Variants in LRTM1 observed in about 807,000 individuals in gnomAD.
LRTM1 encodes leucine-rich repeat and transmembrane domain-containing protein 1.
A neutral mutation model predicts 32.4 loss-of-function variants in LRTM1; 38 were observed. The observed-to-expected ratio is 1.17, with a 90% CI of 0.91 to 1.54. LRTM1 has a LOEUF of 1.54. Among genes scored for constraint, LRTM1 ranks in the 40% most tolerant of loss-of-function variants. LRTM1 has a pLI of 0.00. For missense variants in LRTM1, 466 were observed against 415.4 expected, an observed-to-expected ratio of 1.12 and a Z score of -1.06; for synonymous variants, 186 against 169.9, an observed-to-expected ratio of 1.09 and a Z score of -0.74.
At chr3:54,929,854 T>G (rs1367497077), upstream of LRTM1, among the ~76,000 whole-genome samples, 1 of 152,160 alleles carries the variant, frequency 6.6e-6, no homozygotes, top group Non-Finnish European at 1.5e-5. Context: ...TGGCCCCCAT[T>G]AGCATTCAAT....
intron 1 of LRTM1, among the ~76,000 whole-genome samples, chr3:54,950,141 A>C (rs942715031): frequency 2.0e-5 from 3 of 152,238 alleles, no homozygotes; most frequent in Non-Finnish European, 4.4e-5. Flanking sequence ...GTCATAAGTG[A>C]AAAGTAGGGA....
At chr3:54,930,196 C>T (rs1268962482), upstream of LRTM1, among the ~76,000 whole-genome samples, 1 of 152,132 alleles carries the variant, frequency 6.6e-6, no homozygotes, top group Non-Finnish European at 1.5e-5. Context: ...CTGGTTATCC[C>T]ATCCTCTGGC....
intron 1 of LRTM1, among the ~76,000 whole-genome samples, chr3:54,958,986 A>G (rs1575407588): frequency 6.6e-6 from 1 of 152,134 alleles, no homozygotes. Context: ...CTGTAGTCCT[A>G]GCTACTCGGG....
intron 1 of LRTM1, among the ~76,000 whole-genome samples, chr3:54,942,661 G>A (rs1240610587): frequency 1.3e-5 from 2 of 152,184 alleles, no homozygotes; most frequent in Non-Finnish European, 2.9e-5. Context: ...GACTGAGCCA[G>A]AAGGATCATT....
At chr3:54,956,000 A>T (rs990522090) in intron 1 of LRTM1, among the ~76,000 whole-genome samples, 4 of 152,188 alleles carry the variant, frequency 2.6e-5, no homozygotes, top group African/African-American at 9.7e-5. Flanking sequence ...GATTCCAGGA[A>T]ATGAGAGGGA....
Position 54,925,103 on chromosome 3 carries a change from A to C in LRTM1, c.120T>G (p.Gly40=). 1 of 1,614,040 alleles carries C rather than the reference A, an allele frequency of 6.2e-7. No homozygotes were observed. Among genetic ancestry groups the C allele is most frequent in the Non-Finnish European group, 8.5e-7 (1 of 1,179,990 alleles). Residue 40 remains glycine, a synonymous_variant, in exon 2 of 3, where the codon GGT becomes GGG. Coordinates refer to ENST00000273286, the MANE Select transcript of LRTM1 (RefSeq NM_020678.4). ...STNFVDCSQQ[G]LAEIPSHLPP... ...GTAAATGGGAAGGGATTTCGGCCAG[A>C]CCCTGCTGGCTGCAGTCTACAAAAT...
At position 54,946,046 on chromosome 3, in the gene LRTM1, C is replaced by T. The variant is rs553386598; in HGVS notation, c.-221-20831G>A. 1.8e-3 allele frequency among the ~76,000 whole-genome samples: 273 copies of T among 152,322 alleles called. 1 individual carries two copies. Among genetic ancestry groups the T allele is most frequent in the African/African-American group, 6.3e-3 (260 of 41,582 alleles). On this transcript the variant is annotated intron_variant, in intron 1 of 2. Transcript: ENST00000493075. Reference sequence around the variant, plus strand: ...GTACCCTGCCTCATTATCACATTTCCTTGGTTCTAAGATGCCATAAATAGA... The same window carrying T: ...GTACCCTGCCTCATTATCACATTTCTTTGGTTCTAAGATGCCATAAATAGA...
At chr3:54,930,189 G>A (rs1479852972), upstream of LRTM1, among the ~76,000 whole-genome samples, 1 of 152,092 alleles carries the variant, frequency 6.6e-6, no homozygotes, top group Non-Finnish European at 1.5e-5. Flanking sequence ...GCAAACTCTG[G>A]TTATCCCATC....
At chr3:54,925,407 C>A (rs1700986554) in intron 1 of LRTM1, among the ~76,000 whole-genome samples, 192 bp from the exon 2 acceptor site, 1 of 152,184 alleles carries the variant, frequency 6.6e-6, no homozygotes, top group Non-Finnish European at 1.5e-5. Context: ...AGTGTCATTA[C>A]CTTCTGCAGT....
At position 54,927,944 on chromosome 3, in the gene LRTM1, CG is replaced by C. The variant is rs1701073612; in HGVS notation, c.-34del. Reference sequence around the variant, plus strand: ...TCTCCTTGGGCGTCCTTGCTGACCTCGTAGACCCTTTAATTAATGTGCAGAG... The same window carrying C: ...TCTCCTTGGGCGTCCTTGCTGACCTCTAGACCCTTTAATTAATGTGCAGAG... On this transcript the variant is annotated 5_prime_UTR_variant, in exon 1 of 3. Coordinates refer to ENST00000273286, the MANE Select transcript of LRTM1 (RefSeq NM_020678.4). The C allele has an allele frequency of 4.3e-6, 7 of 1,611,706 alleles. No individual in the cohort carries two copies. The highest frequency in any genetic ancestry group is 5.1e-6 in the Non-Finnish European group (6 of 1,177,946).
At chr3:54,955,726 C>T (rs765568203) in intron 1 of LRTM1, among the ~76,000 whole-genome samples, 2 of 152,080 alleles carry the variant, frequency 1.3e-5, no homozygotes, top group Admixed American at 1.3e-4. Flanking sequence ...CTCTGTCTAC[C>T]GAGGGGGCTT....
chr3:54,934,022 C>T (rs187123523), intron 1 of LRTM1, among the ~76,000 whole-genome samples: 11 of 152,246 alleles, frequency 7.2e-5, no homozygotes, highest in African/African-American at 2.4e-4. Context: ...CCACCTGCCT[C>T]GGCCTCCCAA....
rs758049658 is a variant in LRTM1 at position 54,918,529 on chromosome 3, C to A, written c.968G>T (p.Gly323Val). The change falls in exon 3 of 3, where the codon GGA (glycine) becomes GTA (valine). Residue 323 changes from glycine (G) to valine (V), a missense_variant. Coordinates refer to ENST00000273286, the MANE Select transcript of LRTM1 (RefSeq NM_020678.4). ...AGGATCATTGGTTTGAGCCAAGGGT[C>A]CCCCATGGTACTGGGCTGTGATTGC... The part of the protein sequence containing the change: ...YAAITAQYHG[G>V]PLAQTNDPGK... The A allele has an allele frequency of 2.3e-5, 37 of 1,613,824 alleles. No homozygotes were observed. The highest frequency in any genetic ancestry group is 3.1e-5 in the Non-Finnish European group (37 of 1,179,970).
At chr3:54,931,262 G>T (rs1250652030), upstream of LRTM1, among the ~76,000 whole-genome samples, 6 of 152,124 alleles carry the variant, frequency 3.9e-5, no homozygotes, top group Non-Finnish European at 8.8e-5. Flanking sequence ...TGCCCAAGGG[G>T]TTTTTTTGGT....
intron 1 of LRTM1, among the ~76,000 whole-genome samples, chr3:54,958,322 G>T (rs1320646355): frequency 6.6e-6 from 1 of 152,228 alleles, no homozygotes; most frequent in East Asian, 1.9e-4. Flanking sequence ...GAGCCCAAGA[G>T]TTGGAGGCTG....
chr3:54,954,894 G>C (rs983874223), intron 1 of LRTM1, among the ~76,000 whole-genome samples: 15 of 152,270 alleles, frequency 9.9e-5, no homozygotes, highest in African/African-American at 3.6e-4. Flanking sequence ...CATGAGAGGC[G>C]CCGATTAACC....
upstream of LRTM1, among the ~76,000 whole-genome samples, chr3:54,931,802 G>A (rs1701197356): frequency 6.6e-6 from 1 of 152,132 alleles, no homozygotes. Context: ...AAAAATCAAT[G>A]ATTATTAACC....
At chr3:54,937,060 C>T (rs1701345729) in intron 1 of LRTM1, among the ~76,000 whole-genome samples, 1 of 152,094 alleles carries the variant, frequency 6.6e-6, no homozygotes, top group African/African-American at 2.4e-5. Flanking sequence ...AGAGCAGTGC[C>T]CGTGTTCACC....
At chr3:54,950,617 C>T (rs576841447) in intron 1 of LRTM1, among the ~76,000 whole-genome samples, 24 of 152,278 alleles carry the variant, frequency 1.6e-4, no homozygotes, top group Admixed American at 5.2e-4. Flanking sequence ...GAGAGTGGAC[C>T]TGCACAGCTC....
Sources: allele counts gnomAD v4.1 joint callset (sites outside exome capture counted in the v4.1 genomes callset), GRCh38; gene constraint gnomAD v4.1.1; transcripts MANE v1.5; gene names NCBI Gene and HGNC (gene_info 2026-07-23, HGNC 2026-07-21).